Variants in MECOM observed in about 807,000 individuals in gnomAD.
The protein encoded by MECOM is MDS1 and EVI1 complex locus.
A neutral mutation model predicts 116.3 loss-of-function variants in MECOM; 13 were observed. The ratio of observed to expected loss-of-function variants is 0.11; its 90% confidence interval spans 0.07 to 0.18. MECOM has a LOEUF of 0.18. Ranked by LOEUF, MECOM falls within the 10% of genes least tolerant of loss-of-function variation. The pLI, the probability that MECOM is intolerant of heterozygous loss-of-function variation, is 1.00. For synonymous variants in MECOM, 528 were observed against 535.2 expected (o/e 0.99, Z 0.19); for missense variants, 1,299 against 1,509.0 (o/e 0.86, Z 2.31).
At chr3:169,450,408 C>T (rs1429920861) in intron 1 of MECOM, among the ~76,000 whole-genome samples, 1 of 151,904 alleles carries the variant, frequency 6.6e-6, no homozygotes, top group Admixed American at 6.6e-5. Flanking sequence ...TTTTTTAAGG[C>T]CATGTTCCTT....
At chr3:169,519,574 G>A (rs775580597) in intron 1 of MECOM, among the ~76,000 whole-genome samples, 17 of 152,352 alleles carry the variant, frequency 1.1e-4, no homozygotes, top group Middle Eastern at 3.4e-3. Context: ...GCCCAATTCA[G>A]TATCTGGCTC....
At chr3:169,663,238 C>A (rs111235653) in intron 1 of MECOM, 98 bp downstream of exon 1, 6 of 1,444,862 alleles carry the variant, frequency 4.2e-6, no homozygotes, top group Non-Finnish European at 5.7e-6. Flanking sequence ...GGCCCCGGCG[C>A]AAGAGGCAGC....
chr3:169,151,833 A>G (rs1302745341), intron 2 of MECOM, among the ~76,000 whole-genome samples: 1 of 152,196 alleles, frequency 6.6e-6, no homozygotes, highest in African/African-American at 2.4e-5. Flanking sequence ...CCACTGATTC[A>G]TATATAAATA....
intron 5 of MECOM, among the ~76,000 whole-genome samples, chr3:169,124,646 A>AGAT (rs1732227559): frequency 6.6e-6 from 1 of 152,088 alleles, no homozygotes; most frequent in African/African-American, 2.4e-5. Flanking sequence ...TTTTTGAATA[A>AGAT]GATGATATAC....
chr3:169,252,065 G>A (rs189277018), intron 2 of MECOM, among the ~76,000 whole-genome samples: 40 of 152,076 alleles, frequency 2.6e-4, no homozygotes, highest in East Asian at 1.5e-3. Context: ...CATTTCAATC[G>A]AATCAAATGT....
At chr3:169,334,436 T>C (rs12487047) in intron 2 of MECOM, among the ~76,000 whole-genome samples, 2,758 of 152,286 alleles carry the variant, frequency 0.018, 43 homozygotes, top group African/African-American at 0.041. Flanking sequence ...TATAAAGTTC[T>C]GATAAATGGA....
chr3:169,142,625 A>C (rs1388235238), intron 3 of MECOM, among the ~76,000 whole-genome samples: 6 of 151,928 alleles, frequency 3.9e-5, no homozygotes, highest in African/African-American at 1.4e-4. Flanking sequence ...AAGATTTTTA[A>C]ATGATTTCCA....
rs141459695 is a variant in MECOM, at chr3:169,421,292, T to G, written c.38-39768A>C. Among the ~76,000 whole-genome samples the G allele has an allele frequency of 6.3e-3, 961 of 152,302 alleles. 15 individuals are homozygous for G. Among genetic ancestry groups the G allele is most frequent in the African/African-American group, 0.022 (906 of 41,568 alleles). On this transcript the variant is annotated intron_variant, in intron 1 of 16. Coordinates refer to ENST00000651503, the MANE Select transcript of MECOM (RefSeq NM_004991.4). The stretch of plus-strand genomic sequence containing the variant: ...TATTATCTTCTTGTCTTCTCACTTT[T>G]GTGAACACAATTGTACATGCTAGAA...
Position 169,115,404 on chromosome 3 carries a change from A to C in MECOM, c.2468T>G (p.Phe823Cys). 1 of 1,614,018 alleles carries C rather than the reference A, an allele frequency of 6.2e-7. No individual in the cohort carries two copies. The highest frequency in any genetic ancestry group is 8.5e-7 in the Non-Finnish European group (1 of 1,179,958). The change falls in exon 8 of 17, where the codon TTC (phenylalanine) becomes TGC (cysteine). Residue 823 changes from phenylalanine (F) to cysteine (C), a missense_variant. Transcript: ENST00000651503. ...GSLQHARPTP[F>C]FMDPIYRVEK... The stretch of plus-strand genomic sequence containing the variant: ...TTACCTGTAAATAGGGTCCATAAAG[A>C]AAGGAGTGGGTCTTGCATGCTGCAA...
intron 2 of MECOM, among the ~76,000 whole-genome samples, chr3:169,376,351 A>G (rs754122736): frequency 1.1e-4 from 16 of 151,760 alleles, no homozygotes; most frequent in Non-Finnish European, 1.9e-4. Context: ...AGAGAAAGAA[A>G]TAAAGAGTAT....
In MECOM at chr3:169,525,234, C is replaced by T. The variant is rs145389360; in HGVS notation, c.37+138102G>A. 2.6e-5 allele frequency among the ~76,000 whole-genome samples: 4 copies of T among 152,082 alleles called. No individual in the cohort carries two copies. In the East Asian group the frequency reaches 5.8e-4, roughly 22 times the overall value. On this transcript the variant is annotated intron_variant, in intron 1 of 16. Coordinates refer to ENST00000651503, the MANE Select transcript of MECOM (RefSeq NM_004991.4). ...TCAGAAATTCCAAACTGCTCCAGAG[C>T]GGTGGCAAGAAAGTCCAGAGATTAT...
At chr3:169,131,827 G>A (rs920561307) in intron 3 of MECOM, 15 of 785,160 alleles carry the variant, frequency 1.9e-5, no homozygotes, top group Non-Finnish European at 2.4e-5. Flanking sequence ...CCTGTGTAAT[G>A]TTTAACGAAG....
chr3:169,476,729 C>CAA (rs1393054667), intron 1 of MECOM, among the ~76,000 whole-genome samples: 2 of 151,980 alleles, frequency 1.3e-5, no homozygotes, highest in Non-Finnish European at 2.9e-5. Flanking sequence ...TAAAATCTCG[C>CAA]CCTCCTGTGA....
chr3:169,355,589 T>C (rs1304703796), intron 2 of MECOM, among the ~76,000 whole-genome samples: 1 of 151,968 alleles, frequency 6.6e-6, no homozygotes, highest in Non-Finnish European at 1.5e-5. Flanking sequence ...TCATCACTGA[T>C]GTCTTCTTTG....
intron 1 of MECOM, among the ~76,000 whole-genome samples, chr3:169,539,829 G>A (rs942561268): frequency 1.3e-5 from 2 of 152,112 alleles, no homozygotes; most frequent in Admixed American, 6.6e-5. Context: ...GATCCTGTGT[G>A]ACAAAACCCC....
At chr3:169,251,765 G>T (rs1022227401) in intron 2 of MECOM, among the ~76,000 whole-genome samples, 6 of 152,162 alleles carry the variant, frequency 3.9e-5, no homozygotes. Flanking sequence ...TCACACTACT[G>T]CTTGCAAAGT....
chr3:169,145,322 A>G, intron 2 of MECOM: 1 of 349,588 alleles, frequency 2.9e-6, no homozygotes, highest in Non-Finnish European at 5.2e-6. Context: ...ACAAACTTTA[A>G]GATGTTTCTT....
intron 1 of MECOM, among the ~76,000 whole-genome samples, chr3:169,474,635 T>C (rs1189584492): frequency 6.6e-6 from 1 of 152,182 alleles, no homozygotes; most frequent in Non-Finnish European, 1.5e-5. Context: ...GGGTTTGAGG[T>C]TGGCAGCCCA....
intron 2 of MECOM, among the ~76,000 whole-genome samples, chr3:169,224,078 G>A (rs1398897191): frequency 1.3e-5 from 2 of 152,164 alleles, no homozygotes; most frequent in African/African-American, 4.8e-5. Flanking sequence ...ACTGACGGGG[G>A]TGCCTTTCAT....
Sources: gnomAD v4.1 joint callset for allele counts (sites outside exome capture counted in the v4.1 genomes callset) on GRCh38, gnomAD v4.1.1 for gene constraint, MANE v1.5 for transcripts, NCBI Gene and HGNC (gene_info 2026-07-23, HGNC 2026-07-21) for gene names.